The following PLCG1 variants were observed in gnomAD, a reference collection of about 807,000 sequenced individuals.
PLCG1 encodes phospholipase C gamma 1, also known as 1-phosphatidylinositol 4,5-bisphosphate phosphodiesterase gamma-1.
In PLCG1, 71 loss-of-function variants were observed where a neutral mutation model predicts 177.8. The ratio of observed to expected loss-of-function variants is 0.40; its 90% CI spans 0.33 to 0.49. PLCG1 has a LOEUF of 0.49. PLCG1 is among the 20% of genes least tolerant of loss of function. PLCG1 has a pLI of 0.72. For missense variants in PLCG1, 1,281 were observed against 1,709.0 expected, an observed-to-expected ratio of 0.75 and a Z score of 4.42; for synonymous variants, 658 against 647.9, an observed-to-expected ratio of 1.02 and a Z score of -0.24.
intron 1 of PLCG1, among the ~76,000 whole-genome samples, chr20:41,149,777 G>A (rs953021402): frequency 2.6e-5 from 4 of 152,154 alleles, no homozygotes; most frequent in East Asian, 1.9e-4. Context: ...GGCCTGTAGC[G>A]CACAAAGAAG....
chr20:41,145,869 C>A (rs888682597), intron 1 of PLCG1, among the ~76,000 whole-genome samples: 1 of 152,180 alleles, frequency 6.6e-6, no homozygotes, highest in African/African-American at 2.4e-5. Flanking sequence ...TATTCTCGCA[C>A]CCCTCCTTGC....
chr20:41,168,893 C>A, intron 21 of PLCG1, 23 bp downstream of exon 21: 1 of 1,531,472 alleles, frequency 6.5e-7, no homozygotes, highest in Non-Finnish European at 9.0e-7. Flanking sequence ...TGTGGTAGGC[C>A]CAGAGTCCAA....
chr20:41,139,906 C>A (rs1480330237), intron 1 of PLCG1, among the ~76,000 whole-genome samples: 3 of 152,230 alleles, frequency 2.0e-5, no homozygotes, highest in Non-Finnish European at 1.5e-5. Context: ...CTCACCCACC[C>A]ACCATGTAGA....
chr20:41,162,018 ACCTGCTGCCATGCTGCCCCCAAC>A (rs1486315503), intron 4 of PLCG1, among the ~76,000 whole-genome samples: 4 of 151,652 alleles, frequency 2.6e-5, no homozygotes, highest in African/African-American at 9.7e-5. Context: ...GCAGGTAGGG[ACCTGCTGCCATGCTGCCCCCAAC>A]AGGGAAGTTG....
Position 41,172,963 on chromosome 20 carries a change from T to C in PLCG1, c.3279+86T>C. The C allele has an allele frequency of 7.0e-7, 1 of 1,430,910 alleles. No homozygotes were observed. The highest frequency in any genetic ancestry group is 1.3e-5 in the South Asian group (1 of 76,794). The allele number at this position is 1,430,910 out of a possible 1,614,324, so 88.6% of individuals were successfully genotyped here. A position where few individuals can be genotyped will look rare whatever the true frequency, so the allele number is the denominator to read the frequency against. On this transcript the variant is annotated intron_variant, in intron 27 of 31. Transcript: ENST00000685551. The surrounding 1 kb of genome is among the most constrained non-coding windows in gnomAD (Gnocchi z 7.0). The stretch of plus-strand genomic sequence containing the variant: ...TTATGTTGAGTTCTCCAAAAGTAGG[T>C]ATTTTCAGGCATCAAGGTGGTCAGG...
Position 41,174,472 on chromosome 20 carries a change from C to G in PLCG1, c.3839C>G (p.Pro1280Arg). 1 of 1,589,210 alleles carries G rather than the reference C, an allele frequency of 6.3e-7. No homozygotes were observed. The highest frequency in any genetic ancestry group is 1.1e-5 in the South Asian group (1 of 88,082). The change falls in exon 32 of 32, where the codon CCA becomes CGA. Residue 1280 changes from proline to arginine, a missense_variant. Physicochemically the swap from Pro to Arg is moderately radical, Grantham distance 103. Around this residue, in one of 4 missense-constraint regions of PLCG1, gnomAD observed 153 missense variants for 153.2 expected, o/e 1.00. Coordinates refer to ENST00000685551, the MANE Select transcript of PLCG1 (RefSeq NM_002660.3). This position sits in a 1 kb window ranked among gnomAD's most constrained non-coding sequence, Gnocchi z 5.8. ...DHFDSRERRA[P>R]RRTRVNGDNR... ...CACTCTTCCCTTCTGTCCAGGGCCCCAAGAAGGACTCGGGTCAATGGAGAC... is the reference window on the plus strand; with the variant it reads ...CACTCTTCCCTTCTGTCCAGGGCCCGAAGAAGGACTCGGGTCAATGGAGAC...
intron 23 of PLCG1, 47 bp from the exon 24 acceptor site, chr20:41,170,065 G>T (rs780330562): frequency 1.9e-6 from 3 of 1,542,664 alleles, no homozygotes; most frequent in African/African-American, 1.4e-5. Flanking sequence ...TGGGGTGGAG[G>T]GGGTGAGATG....
chr20:41,149,217 A>G (rs1270178074), intron 1 of PLCG1, among the ~76,000 whole-genome samples: 1 of 152,206 alleles, frequency 6.6e-6, no homozygotes, highest in Non-Finnish European at 1.5e-5. Flanking sequence ...CTCTAACGTA[A>G]GCTATCTAGC....
chr20:41,173,634 T>C lies in PLCG1; in HGVS notation c.3395-18T>C. 6.2e-7 allele frequency: 1 copy of C among 1,614,174 alleles called. No homozygotes were observed. The highest frequency in any genetic ancestry group is 8.5e-7 in the Non-Finnish European group (1 of 1,180,020). On this transcript the variant is annotated intron_variant, in intron 28 of 31. Transcript: ENST00000685551. The surrounding 1 kb of genome is among the most constrained non-coding windows in gnomAD (Gnocchi z 6.2). The stretch of plus-strand genomic sequence containing the variant: ...CTCTCCCACGGTGACCTGAAGCCTT[T>C]TGTCGTTGCCTTCACAGTGGACAAT...
In PLCG1 at chr20:41,173,988, A is replaced by G; in HGVS notation, c.3622A>G (p.Lys1208Glu). 6.2e-7 allele frequency: 1 copy of G among 1,614,130 alleles called. No homozygotes were observed. The highest frequency in any genetic ancestry group is 1.6e-4 in the Middle Eastern group (1 of 6,062). ...CCTGGAGTTGGCCTCCCTGCTGATC[A>G]AGATTGACATTTTCCCTGCCAAGGT... The part of the protein sequence containing the change: ...EDLELASLLI[K>E]IDIFPAKQEN... The change falls in exon 30 of 32, where the codon AAG becomes GAG. Residue 1208 changes from lysine to glutamate, a missense_variant. By Grantham distance (56) the Lys-to-Glu change is moderately conservative. Transcript: ENST00000685551. This position sits in a 1 kb window ranked among gnomAD's most constrained non-coding sequence, Gnocchi z 6.2.
rs1308136826 is a variant in PLCG1, at chr20:41,144,611, A to G, written c.217+6753A>G. ...TGGTGACACTTCCGCCTAAGCTTCTACAGAACATGGGAACCTGGGGCTCCA... is the reference window on the plus strand; with the variant it reads ...TGGTGACACTTCCGCCTAAGCTTCTGCAGAACATGGGAACCTGGGGCTCCA... On this transcript the variant is annotated intron_variant, in intron 1 of 31. Coordinates refer to ENST00000685551, the MANE Select transcript of PLCG1 (RefSeq NM_002660.3). This position sits in a 1 kb window ranked among gnomAD's most constrained non-coding sequence, Gnocchi z 4.1. 6.6e-6 allele frequency among the ~76,000 whole-genome samples: 1 copy of G among 152,212 alleles called. No individual in the cohort carries two copies. Among genetic ancestry groups the G allele is most frequent in the Non-Finnish European group, 1.5e-5 (1 of 68,038 alleles).
At position 41,159,160 on chromosome 20, in the gene PLCG1, C is replaced by T. The variant is rs1304269524; in HGVS notation, c.218-446C>T. Among the ~76,000 whole-genome samples the T allele has an allele frequency of 1.3e-5, 2 of 152,136 alleles. No individual in the cohort carries two copies. The highest frequency in any genetic ancestry group is 2.9e-5 in the Non-Finnish European group (2 of 68,024). ...TTCAGGGATGCACCAGTCCTCTGGGCCAGAGCCTACTTTCTCCCAGGGATC... is the reference window on the plus strand; with the variant it reads ...TTCAGGGATGCACCAGTCCTCTGGGTCAGAGCCTACTTTCTCCCAGGGATC... On this transcript the variant is annotated intron_variant, in intron 1 of 31. Coordinates refer to ENST00000685551, the MANE Select transcript of PLCG1 (RefSeq NM_002660.3). This position sits in a 1 kb window ranked among gnomAD's most constrained non-coding sequence, Gnocchi z 6.0.
Position 41,174,212 on chromosome 20 carries a change from C to T in PLCG1, c.3734C>T (p.Ala1245Val). 2 of 1,614,114 alleles carry T rather than the reference C, an allele frequency of 1.2e-6. No individual in the cohort carries two copies. The highest frequency in any genetic ancestry group is 2.2e-5 in the East Asian group (1 of 44,882). Residue 1245 changes from alanine to valine, a missense_variant, in exon 31 of 32, where the codon GCC (alanine) becomes GTC (valine). Coordinates refer to ENST00000685551, the MANE Select transcript of PLCG1 (RefSeq NM_002660.3). The surrounding 1 kb of genome is among the most constrained non-coding windows in gnomAD (Gnocchi z 5.8). ...TCAGGCCAGCTGTTTCATGGCCGAG[C>T]CCGGGAAGGCTCCTTTGAATCCCGC... ...DASGQLFHGRAREGSFESRYQ... is the reference protein window; with the variant it reads ...DASGQLFHGRVREGSFESRYQ...
Position 41,173,028 on chromosome 20 carries a change from T to C in PLCG1, c.3279+151T>C. On this transcript the variant is annotated intron_variant, in intron 27 of 31. Transcript: ENST00000685551. The surrounding 1 kb of genome is among the most constrained non-coding windows in gnomAD (Gnocchi z 6.2). ...AGCTGAGTCTTTGAAGGGGTGAAGA[T>C]AGCATGCAGTCACTGTATGCATCTA... is the stretch of plus-strand genomic sequence containing the variant. The C allele has an allele frequency of 2.8e-6, 2 of 722,830 alleles. No individual in the cohort carries two copies. Among genetic ancestry groups the C allele is most frequent in the African/African-American group, 1.8e-5 (1 of 56,590 alleles). 44.8% of individuals were successfully genotyped at this position (722,830 alleles called of 1,614,324 possible). A position where few individuals can be genotyped will look rare whatever the true frequency, so the allele number is the denominator to read the frequency against.
chr20:41,167,073 A>G lies in PLCG1; in HGVS notation c.2301+214A>G, dbSNP rs555963512. 1.9e-4 allele frequency among the ~76,000 whole-genome samples: 29 copies of G among 152,316 alleles called. No homozygotes were observed. The highest frequency in any genetic ancestry group is 6.7e-4 in the African/African-American group (28 of 41,566). On this transcript the variant is annotated intron_variant, in intron 19 of 31. Coordinates refer to ENST00000685551, the MANE Select transcript of PLCG1 (RefSeq NM_002660.3). This position sits in a 1 kb window ranked among gnomAD's most constrained non-coding sequence, Gnocchi z 4.4. ...CATCTTTAAGGATGGGGACAGGCAC[A>G]TAAGCAGAGGGTTCCTCATGAGTCA...
rs975590422 is a variant in PLCG1, at chr20:41,167,317, G to A, written c.2301+458G>A. ...GTCAGGACCCATGGCAGCACAGCTGGTGATAAGGGCCCTGGACAGAAGGAA... is the reference window on the plus strand; with the variant it reads ...GTCAGGACCCATGGCAGCACAGCTGATGATAAGGGCCCTGGACAGAAGGAA... On this transcript the variant is annotated intron_variant, in intron 19 of 31. Coordinates refer to ENST00000685551, the MANE Select transcript of PLCG1 (RefSeq NM_002660.3). The surrounding 1 kb of genome is among the most constrained non-coding windows in gnomAD (Gnocchi z 4.4). Among the ~76,000 whole-genome samples the A allele has an allele frequency of 6.6e-6, 1 of 152,192 alleles. No homozygotes were observed. Among genetic ancestry groups the A allele is most frequent in the African/African-American group, 2.4e-5 (1 of 41,438 alleles).
rs1349033403 is a variant in PLCG1 at position 41,165,873 on chromosome 20, C to T, written c.1799+47C>T. On this transcript the variant is annotated intron_variant, in intron 16 of 31. Transcript: ENST00000685551. This position sits in a 1 kb window ranked among gnomAD's most constrained non-coding sequence, Gnocchi z 6.6. ...CGTATGTTCAGTCAGCGTGTGTACA[C>T]AGACATCACATCACCCAGAGATAAT... The T allele has an allele frequency of 5.8e-6, 8 of 1,380,700 alleles. No individual in the cohort carries two copies. Among genetic ancestry groups the T allele is most frequent in the South Asian group, 5.2e-5 (4 of 76,468 alleles). 85.5% of individuals were successfully genotyped at this position (1,380,700 alleles called of 1,614,324 possible). A position where few individuals can be genotyped will look rare whatever the true frequency, so the allele number is the denominator to read the frequency against.
rs1282559873 is a variant in PLCG1 at position 41,170,288 on chromosome 20, C to A, written c.2808+19C>A. The A allele has an allele frequency of 1.9e-6, 3 of 1,613,642 alleles. No homozygotes were observed. The highest frequency in any genetic ancestry group is 1.7e-6 in the Non-Finnish European group (2 of 1,179,826). ...CGCCAGGGTGAGATTCTGCTGGAAC[C>A]TTCTGGGGGGCAGTGTGTGGGCCCG... On this transcript the variant is annotated intron_variant, in intron 24 of 31. Coordinates refer to ENST00000685551, the MANE Select transcript of PLCG1 (RefSeq NM_002660.3).
rs771570558 is a variant in PLCG1 at position 41,174,142 on chromosome 20, A to G, written c.3664A>G (p.Ser1222Gly). The G allele has an allele frequency of 6.2e-7, 1 of 1,613,792 alleles. No individual in the cohort carries two copies. The part of the protein sequence containing the change: ...FPAKQENGDL[S>G]PFSGTSLRER... ...GTTGAAGCAGGAGAATGGTGACCTC[A>G]GTCCCTTCAGTGGTACGTCCCTGCG... The change falls in exon 31 of 32, where the codon AGT becomes GGT. Residue 1222 changes from serine (S) to glycine (G), a missense_variant. Transcript: ENST00000685551. This position sits in a 1 kb window ranked among gnomAD's most constrained non-coding sequence, Gnocchi z 5.8.
Sources: gnomAD v4.1 joint callset for allele counts (sites outside exome capture counted in the v4.1 genomes callset) on GRCh38, gnomAD v4.1.1 for gene constraint, gnomAD v4.1.1 regional missense constraint, Gnocchi (gnomAD v3.1) non-coding constraint, MANE v1.5 for transcripts, NCBI Gene and HGNC (gene_info 2026-07-23, HGNC 2026-07-21) for gene names.